Variants in SLC30A8 observed in about 807,000 individuals in gnomAD.
SLC30A8 encodes solute carrier family 30 member 8.
In SLC30A8, 27 loss-of-function variants were observed where a neutral mutation model predicts 36.9. That is an observed-to-expected ratio of 0.73 (90% CI 0.54 to 1.01). SLC30A8 has a LOEUF of 1.01. Among genes scored for constraint, SLC30A8 ranks in the 50% least tolerant of loss-of-function variants. The pLI, the probability that SLC30A8 is intolerant of heterozygous loss-of-function variation, is 0.00. For synonymous variants in SLC30A8, 164 were observed against 172.4 expected (o/e 0.95, Z 0.38); for missense variants, 439 against 452.0 (o/e 0.97, Z 0.26).
chr8:117,160,403 TTG>T (rs71569723), intron 4 of SLC30A8, among the ~76,000 whole-genome samples: 3,776 of 145,794 alleles, frequency 0.026, 74 homozygotes, highest in African/African-American at 0.053. Flanking sequence ...AATTTTCCAC[TTG>T]TGTGTGTGTG....
chr8:117,102,570 G>A (rs10108803), intron 2 of SLC30A8, among the ~76,000 whole-genome samples: 4,886 of 152,202 alleles, frequency 0.032, 253 homozygotes, highest in African/African-American at 0.11. Context: ...CTGGACTCTA[G>A]AAGTCTGAAG....
At chr8:117,162,421 G>A (rs1266042315) in intron 5 of SLC30A8, among the ~76,000 whole-genome samples, 1 of 152,068 alleles carries the variant, frequency 6.6e-6, no homozygotes, top group South Asian at 2.1e-4. Context: ...CCCACAATGG[G>A]GGAGAGGTAA....
chr8:117,058,952 C>T (rs915539205), intron 2 of SLC30A8, among the ~76,000 whole-genome samples: 6 of 152,162 alleles, frequency 3.9e-5, no homozygotes, highest in African/African-American at 1.4e-4. Flanking sequence ...AAAAAATGTT[C>T]TGATCCCTCC....
At chr8:116,987,136 C>T (rs1236762937) in intron 1 of SLC30A8, among the ~76,000 whole-genome samples, 1 of 152,036 alleles carries the variant, frequency 6.6e-6, no homozygotes, top group African/African-American at 2.4e-5. Flanking sequence ...AGTGTCTATT[C>T]ATGTCATGGT....
intron 2 of SLC30A8, among the ~76,000 whole-genome samples, chr8:117,125,539 A>G (rs116574414): frequency 0.01 from 1,529 of 152,136 alleles, 23 homozygotes; most frequent in African/African-American, 0.035. Flanking sequence ...AGGGACCTCC[A>G]TCAGCAGCAT....
At chr8:117,031,316 T>G (rs1043722434) in intron 1 of SLC30A8, among the ~76,000 whole-genome samples, 25 of 152,186 alleles carry the variant, frequency 1.6e-4, no homozygotes, top group Non-Finnish European at 3.2e-4. Flanking sequence ...AGAGAAACAG[T>G]AATCACTCAG....
chr8:117,163,574 T>G (rs1822902287), intron 6 of SLC30A8, 44 bp downstream of exon 6: 2 of 1,413,652 alleles, frequency 1.4e-6, no homozygotes, highest in East Asian at 4.7e-5. Context: ...GTGTTTTCTC[T>G]TCCCTAGAAT....
At chr8:117,081,475 C>G (rs912811075) in intron 2 of SLC30A8, among the ~76,000 whole-genome samples, 2 of 152,190 alleles carry the variant, frequency 1.3e-5, no homozygotes, top group Non-Finnish European at 1.5e-5. Flanking sequence ...GATTAGGGCT[C>G]TACCCTAATG....
At chr8:117,038,058 T>C (rs897565429) in intron 1 of SLC30A8, among the ~76,000 whole-genome samples, 8 of 152,200 alleles carry the variant, frequency 5.3e-5, no homozygotes, top group Admixed American at 5.2e-4. Context: ...ATGGAAGAAC[T>C]AGACTGCCAT....
chr8:117,040,766 A>G (rs1300275901), intron 2 of SLC30A8, among the ~76,000 whole-genome samples: 5 of 152,212 alleles, frequency 3.3e-5, no homozygotes, highest in Non-Finnish European at 1.5e-5. Flanking sequence ...AGATGAGCTA[A>G]CTAATGCCTT....
chr8:116,981,925 A>G (rs569995474), intron 1 of SLC30A8, among the ~76,000 whole-genome samples: 2 of 152,300 alleles, frequency 1.3e-5, no homozygotes, highest in South Asian at 4.1e-4. Context: ...TCCTTTGTGT[A>G]TATACTCAGT....
At chr8:117,100,845 A>G (rs533237700) in intron 2 of SLC30A8, among the ~76,000 whole-genome samples, 2 of 152,260 alleles carry the variant, frequency 1.3e-5, no homozygotes, top group Admixed American at 6.5e-5. Context: ...TAAAATTGTT[A>G]CCCAGAGCTG....
At chr8:117,008,677 A>G (rs953513359) in intron 1 of SLC30A8, among the ~76,000 whole-genome samples, 3 of 152,200 alleles carry the variant, frequency 2.0e-5, no homozygotes, top group African/African-American at 7.2e-5. Flanking sequence ...CCATTCTACA[A>G]TAAAGTACAT....
At chr8:116,998,103 AGAG>A (rs1165581573) in intron 1 of SLC30A8, among the ~76,000 whole-genome samples, 2 of 152,238 alleles carry the variant, frequency 1.3e-5, no homozygotes, top group African/African-American at 4.8e-5. Context: ...AAAAAGTTGA[AGAG>A]GAAATTCTTC....
rs577510345 is a variant in SLC30A8 at position 117,040,841 on chromosome 8, G to A, written c.-226+1583G>A. On this transcript the variant is annotated intron_variant, in intron 2 of 10. Transcript: ENST00000427715. ...CATCTAGAAGCTTCTTAGCAATGCC[G>A]AGTTTTAACCCCTATACATAGATCT... Among the ~76,000 whole-genome samples the A allele has an allele frequency of 3.3e-5, 5 of 152,184 alleles. No individual in the cohort carries two copies. The South Asian group carries it at 8.3e-4, about 25-fold the overall frequency.
intron 2 of SLC30A8, chr8:117,128,473 G>T (rs1041176013): frequency 6.6e-6 from 1 of 152,046 alleles, no homozygotes; most frequent in Non-Finnish European, 1.5e-5. Flanking sequence ...GCGTCTGTGT[G>T]TGTGCTCATA....
At chr8:116,952,569 C>G (rs929104831) in intron 1 of SLC30A8, among the ~76,000 whole-genome samples, 1 of 152,010 alleles carries the variant, frequency 6.6e-6, no homozygotes, top group South Asian at 2.1e-4. Flanking sequence ...CTCAGCCTCC[C>G]GAGTAGCTGG....
intron 1 of SLC30A8, among the ~76,000 whole-genome samples, chr8:116,985,543 C>T (rs973419082): frequency 6.6e-6 from 1 of 151,902 alleles, no homozygotes; most frequent in East Asian, 1.9e-4. Flanking sequence ...TAATGTTGTA[C>T]AAGTATGAAG....
chr8:117,147,122 A>G lies in SLC30A8; in HGVS notation c.240A>G (p.Ile80Met), dbSNP rs777205285. The G allele has an allele frequency of 5.0e-6, 8 of 1,614,062 alleles. No homozygotes were observed. In the South Asian group the frequency reaches 8.8e-5, roughly 18 times the overall value. The change falls in exon 2 of 8, where the codon ATA (isoleucine) becomes ATG (methionine). Residue 80 changes from isoleucine to methionine, a missense_variant. Ile to Met is a conservative substitution (Grantham distance 10). Coordinates refer to ENST00000456015, the MANE Select transcript of SLC30A8 (RefSeq NM_173851.3). ...AKWKLCSASAICFIFMIAEVV... is the reference protein window; with the variant it reads ...AKWKLCSASAMCFIFMIAEVV... ...GGAAACTCTGTTCTGCTTCAGCAATATGCTTCATTTTCATGATTGCAGAGG... is the reference window on the plus strand; with the variant it reads ...GGAAACTCTGTTCTGCTTCAGCAATGTGCTTCATTTTCATGATTGCAGAGG...
Sources: gnomAD v4.1 joint callset for allele counts (sites outside exome capture counted in the v4.1 genomes callset) on GRCh38, gnomAD v4.1.1 for gene constraint, MANE v1.5 for transcripts, NCBI Gene and HGNC (gene_info 2026-07-23, HGNC 2026-07-21) for gene names.